The following LAMA3 variants were observed in gnomAD, a reference collection of about 807,000 sequenced individuals.
LAMA3 encodes the protein laminin subunit alpha-3.
Under a neutral mutation model 402.0 loss-of-function variants are expected in LAMA3, and 281 were observed. That is an observed-to-expected ratio of 0.70 (90% CI 0.63 to 0.77). The LOEUF is 0.77. Among genes scored for constraint, LAMA3 ranks in the 30% least tolerant of loss-of-function variants. The pLI, the probability that LAMA3 is intolerant of heterozygous loss-of-function variation, is 0.00. For missense variants in LAMA3, 3,840 were observed against 4,215.5 expected (o/e 0.91, Z 2.47); for synonymous variants, 1,431 against 1,558.4 (o/e 0.92, Z 1.93).
chr18:23,936,185 ACT>A (rs34712132), intron 67 of LAMA3, among the ~76,000 whole-genome samples: 131,882 of 151,512 alleles, frequency 0.87, 58,303 homozygotes, highest in Non-Finnish European at 0.96. Context: ...CAAACTTAAG[ACT>A]CTTTTTTTTC....
At chr18:23,746,023 A>G (rs1478540497) in intron 2 of LAMA3, among the ~76,000 whole-genome samples, 1 of 152,216 alleles carries the variant, frequency 6.6e-6, no homozygotes, top group African/African-American at 2.4e-5. Flanking sequence ...CCTTCACTAC[A>G]TAATAATGGG....
Position 23,810,367 on chromosome 18 carries a change from C to A in LAMA3, c.1605C>A (p.Ala535=), listed in dbSNP as rs2144281229. The A allele has an allele frequency of 1.2e-6, 2 of 1,614,170 alleles. No homozygotes were observed. Among genetic ancestry groups the A allele is most frequent in the South Asian group, 2.2e-5 (2 of 91,070 alleles). The stretch of plus-strand genomic sequence containing the variant: ...GTCTGATTGAATTCTTTCATCCAGC[C>A]TGCTGGTGTTCAGCCCTTGGATCCT... ...SGFYSFPICQ[A]CWCSALGSYQ... is the part of the protein sequence containing the mutation. The change falls in exon 13 of 75, where the codon GCC becomes GCA. Residue 535 remains alanine, a splice_region_variant and synonymous_variant. Transcript: ENST00000313654.
At chr18:23,756,385 A>G (rs2061843068) in intron 6 of LAMA3, among the ~76,000 whole-genome samples, 2 of 151,990 alleles carry the variant, frequency 1.3e-5, no homozygotes, top group Non-Finnish European at 2.9e-5. Context: ...AAAAAAAAAA[A>G]AAAGCTGTTT....
chr18:23,754,449 C>G (rs894038600), intron 6 of LAMA3, among the ~76,000 whole-genome samples: 1 of 152,188 alleles, frequency 6.6e-6, no homozygotes, highest in Non-Finnish European at 1.5e-5. Context: ...TTTGTCATCA[C>G]TTATTTCACT....
At chr18:23,943,346 GAA>G (rs981945418) in intron 68 of LAMA3, among the ~76,000 whole-genome samples, 87 of 152,286 alleles carry the variant, frequency 5.7e-4, no homozygotes, top group African/African-American at 2.1e-3. Flanking sequence ...TTTGCAAGAT[GAA>G]AAGAGTTCTC....
chr18:23,896,943 C>G (rs1035360753), intron 44 of LAMA3, among the ~76,000 whole-genome samples: 1 of 151,968 alleles, frequency 6.6e-6, no homozygotes, highest in Non-Finnish European at 1.5e-5. Context: ...ACATTGTTAG[C>G]AGAGAAGTAA....
At chr18:23,831,741 T>C (rs1186992915) in intron 23 of LAMA3, among the ~76,000 whole-genome samples, 1 of 152,228 alleles carries the variant, frequency 6.6e-6, no homozygotes, top group Non-Finnish European at 1.5e-5. Context: ...TAATATTTGC[T>C]GACCAAATCA....
intron 1 of LAMA3, among the ~76,000 whole-genome samples, chr18:23,695,617 T>A (rs960522933): frequency 1.2e-4 from 18 of 149,702 alleles, no homozygotes; most frequent in Admixed American, 1.3e-4. Context: ...AGGTCAGGAG[T>A]TTAAAACCAG....
intron 60 of LAMA3, 39 bp from the exon 61 acceptor site, chr18:23,920,896 C>T (rs891145315): frequency 1.9e-6 from 3 of 1,612,572 alleles, no homozygotes; most frequent in Non-Finnish European, 2.5e-6. Flanking sequence ...TCTTCTTCAG[C>T]CAAGCCTTCT....
rs2061740502 is a variant in LAMA3 at position 23,750,980 on chromosome 18, G to A, written c.747G>A (p.Leu249=). 1 of 1,614,162 alleles carries A rather than the reference G, an allele frequency of 6.2e-7. No homozygotes were observed. The highest frequency in any genetic ancestry group is 8.5e-7 in the Non-Finnish European group (1 of 1,180,018). ...AAAATTTTACTTTCTCTCACACCCT[G>A]AGGGAGTTTACCAAGGCAACAAACA... ...GAKNFTFSHT[L]REFTKATNIR... The change falls in exon 5 of 75, where the codon CTG becomes CTA. Residue 249 remains leucine (L), a synonymous_variant. Coordinates refer to ENST00000313654, the MANE Select transcript of LAMA3 (RefSeq NM_198129.4).
rs536400380 is a variant in LAMA3, at chr18:23,950,221, C to T, written c.9642+62C>T. 64 of 1,599,372 alleles carry T rather than the reference C, an allele frequency of 4.0e-5. No homozygotes were observed. The African/African-American group carries it at 7.9e-4, about 20-fold the overall frequency. On this transcript the variant is annotated intron_variant, in intron 72 of 74. Coordinates refer to ENST00000313654, the MANE Select transcript of LAMA3 (RefSeq NM_198129.4). ...GAAACCAGCTTCAATGTCTGGAGGC[C>T]ACAGCGGGTCAGGTTTGTAGTAGAG...
rs1366619610 is a variant in LAMA3 at position 23,837,031 on chromosome 18, A to G, written c.3035A>G (p.Tyr1012Cys). 2 of 1,613,968 alleles carry G rather than the reference A, an allele frequency of 1.2e-6. No individual in the cohort carries two copies. Among genetic ancestry groups the G allele is most frequent in the East Asian group, 2.2e-5 (1 of 44,894 alleles). The change falls in exon 25 of 75, where the codon TAT becomes TGT. Residue 1012 changes from tyrosine to cysteine, a missense_variant. Around this residue, in one of 3 missense-constraint regions of LAMA3, gnomAD observed 2,109 missense variants for 2,376.0 expected, o/e 0.89. Transcript: ENST00000313654. ...VIDHMSRIAM[Y>C]ELLADADIQL... ...GATCACATGAGCCGCATCGCCATGT[A>G]TGAGCTATTGGCAGATGCAGACATT...
Position 23,907,842 on chromosome 18 carries a change from C to A in LAMA3, c.6922C>A (p.Pro2308Thr), listed in dbSNP as rs150282408. The change falls in exon 54 of 75, where the codon CCC becomes ACC. Residue 2308 changes from proline (P) to threonine (T), a missense_variant. Around this residue, in one of 3 missense-constraint regions of LAMA3, gnomAD observed 891 missense variants for 857.5 expected, o/e 1.04. Coordinates refer to ENST00000313654, the MANE Select transcript of LAMA3 (RefSeq NM_198129.4). Reference protein sequence around the residue: ...ITDEVLDGLNPIQTDVERIKD... With the variant: ...ITDEVLDGLNTIQTDVERIKD... ...AGATGAGGTTCTGGATGGGCTCAAC[C>A]CCATCCAGACAGATGTGGAAAGAAT... 1.7e-5 allele frequency: 27 copies of A among 1,613,994 alleles called. No individual in the cohort carries two copies. The highest frequency in any genetic ancestry group is 2.3e-5 in the Non-Finnish European group (27 of 1,179,990).
rs1215332672 is a variant in LAMA3 at position 23,943,865 on chromosome 18, T to C, written c.9104T>C (p.Met3035Thr). ...CACACGGGCACTAAGAACTCCTTTA[T>C]GGCTCTTTATCTTTCAAAAGGACGT... is the stretch of plus-strand genomic sequence containing the variant. Reference protein sequence around the residue: ...VFHTGTKNSFMALYLSKGRLV... With the variant: ...VFHTGTKNSFTALYLSKGRLV... Residue 3035 changes from methionine (M) to threonine (T), a missense_variant, in exon 69 of 75, where the codon ATG becomes ACG. By Grantham distance (81) the Met-to-Thr change is moderately conservative (BLOSUM62 -1). Around this residue, in one of 3 missense-constraint regions of LAMA3, gnomAD observed 840 missense variants for 981.9 expected, o/e 0.86. Transcript: ENST00000313654. 4 of 1,613,910 alleles carry C rather than the reference T, an allele frequency of 2.5e-6. No individual in the cohort carries two copies. Among genetic ancestry groups the C allele is most frequent in the Non-Finnish European group, 2.5e-6 (3 of 1,179,864 alleles).
chr18:23,914,431 A>G lies in LAMA3; in HGVS notation c.7351A>G (p.Met2451Val). 6.2e-7 allele frequency: 1 copy of G among 1,614,184 alleles called. No homozygotes were observed. The highest frequency in any genetic ancestry group is 8.5e-7 in the Non-Finnish European group (1 of 1,180,020). Residue 2451 changes from methionine (M) to valine (V), a missense_variant, in exon 57 of 75, where the codon ATG becomes GTG. Physicochemically the swap from Met to Val is conservative, Grantham distance 21. Around this residue, in one of 3 missense-constraint regions of LAMA3, gnomAD observed 891 missense variants for 857.5 expected, o/e 1.04. Transcript: ENST00000313654. ...NKDASRDYIG[M>V]AVVDGQLTCV... The stretch of plus-strand genomic sequence containing the variant: ...CCAGGCCTCCCGGGACTACATCGGC[A>G]TGGCAGTTGTGGATGGCCAGCTCAC...
intron 48 of LAMA3, among the ~76,000 whole-genome samples, chr18:23,902,621 G>T (rs2081110334): frequency 6.6e-6 from 1 of 152,184 alleles, no homozygotes; most frequent in Non-Finnish European, 1.5e-5. Context: ...GGTTCCGTGT[G>T]ACCTCTCGGT....
chr18:23,754,910 G>A (rs2061816017), intron 6 of LAMA3, among the ~76,000 whole-genome samples: 1 of 152,210 alleles, frequency 6.6e-6, no homozygotes, highest in African/African-American at 2.4e-5. Context: ...CTAGCTTTGT[G>A]TTCAGGCAGA....
intron 42 of LAMA3, among the ~76,000 whole-genome samples, chr18:23,893,290 G>A (rs1230709417): frequency 2.6e-5 from 4 of 152,146 alleles, no homozygotes. Context: ...CAGAATGCAT[G>A]GCATGGGGAA....
chr18:23,850,182 T>C (rs1205035521), intron 32 of LAMA3, among the ~76,000 whole-genome samples: 1 of 152,252 alleles, frequency 6.6e-6, no homozygotes, highest in South Asian at 2.1e-4. Context: ...CCTGCAGTTG[T>C]ACAAATCATC....
Sources: allele counts gnomAD v4.1 joint callset (sites outside exome capture counted in the v4.1 genomes callset), GRCh38; gene constraint gnomAD v4.1.1; regional missense constraint gnomAD v4.1.1; transcripts MANE v1.5; gene names NCBI Gene and HGNC (gene_info 2026-07-23, HGNC 2026-07-21).